The following PKP1 variants were observed in gnomAD, a reference collection of about 807,000 sequenced individuals.
The protein encoded by PKP1 is plakophilin-1.
In PKP1, 27 loss-of-function variants were observed where a neutral mutation model predicts 76.4. The observed-to-expected ratio is 0.35, with a 90% CI of 0.26 to 0.49. The LOEUF (loss-of-function observed/expected upper bound fraction) is 0.49, where lower values mean the gene tolerates loss of function less well. Ranked by LOEUF, PKP1 falls within the 20% of genes least tolerant of loss-of-function variation. PKP1 has a pLI of 0.99. For synonymous variants in PKP1, 404 were observed against 384.2 expected, an observed-to-expected ratio of 1.05 and a Z score of -0.60; for missense variants, 964 against 955.2, an observed-to-expected ratio of 1.01 and a Z score of -0.12.
In PKP1 at chr1:201,283,882, C is replaced by T; in HGVS notation, c.180C>T (p.Ser60=). The T allele has an allele frequency of 6.2e-7, 1 of 1,614,130 alleles. No individual in the cohort carries two copies. The highest frequency in any genetic ancestry group is 8.5e-7 in the Non-Finnish European group (1 of 1,179,970). The change falls in exon 1 of 14, where the codon TCC becomes TCT. Residue 60 remains serine, a synonymous_variant. Coordinates refer to ENST00000367324, the MANE Select transcript of PKP1 (RefSeq NM_001005337.3). ...KRQKSKSSQS[S]TLSHSNRGSM... ...AGAAGTCCAAGTCTTCCCAGTCGTC[C>T]ACCCTGAGCCACTCCAATCGAGGTA...
At chr1:201,319,184 C>G (rs1251267610) in intron 6 of PKP1, among the ~76,000 whole-genome samples, 1 of 152,144 alleles carries the variant, frequency 6.6e-6, no homozygotes, top group Non-Finnish European at 1.5e-5. Context: ...GAGTCACTTC[C>G]CAGCTGTGGT....
At chr1:201,328,045 G>C (rs1168203727) in intron 12 of PKP1, among the ~76,000 whole-genome samples, 1 of 152,190 alleles carries the variant, frequency 6.6e-6, no homozygotes, top group Non-Finnish European at 1.5e-5. Context: ...CTCCCCTCCT[G>C]TTCCCACAGG....
intron 3 of PKP1, among the ~76,000 whole-genome samples, chr1:201,313,877 C>G (rs1005526545): frequency 1.6e-4 from 24 of 152,168 alleles, no homozygotes; most frequent in African/African-American, 5.6e-4. Flanking sequence ...TCAGCATCAC[C>G]CAGGAATTTG....
chr1:201,295,725 T>C (rs866215), intron 2 of PKP1, among the ~76,000 whole-genome samples: 21,555 of 152,198 alleles, frequency 0.14, 1,954 homozygotes, highest in Non-Finnish European at 0.2. Context: ...GCCTCAGTTT[T>C]CTCATCCATA....
At position 201,324,522 on chromosome 1, in the gene PKP1, G is replaced by A. The variant is rs776686849; in HGVS notation, c.1775G>A (p.Arg592Gln). 4.4e-5 allele frequency: 71 copies of A among 1,613,960 alleles called. No homozygotes were observed. The Middle Eastern group carries it at 1.5e-3, about 34-fold the overall frequency. The change falls in exon 10 of 14, where the codon CGG becomes CAG. Residue 592 changes from arginine to glutamine, a missense_variant. Transcript: ENST00000367324. ...LLQSGNSDVV[R>Q]SGASLLSNMS... ...CAATCTGGCAACTCTGATGTGGTGCGGTCCGGAGCCTCCCTCCTGAGCAAC... is the reference window on the plus strand; with the variant it reads ...CAATCTGGCAACTCTGATGTGGTGCAGTCCGGAGCCTCCCTCCTGAGCAAC...
At chr1:201,287,391 CTA>C (rs2102404474) in intron 1 of PKP1, among the ~76,000 whole-genome samples, 2 of 152,324 alleles carry the variant, frequency 1.3e-5, no homozygotes, top group East Asian at 3.9e-4. Context: ...TTGTGTTTGA[CTA>C]TGTCTCAGCA....
chr1:201,328,403 G>C lies in PKP1; in HGVS notation c.2107-359G>C, dbSNP rs76033103. Reference sequence around the variant, plus strand: ...GTCAGAATTGTTTAAAAAAAGAAAAGATAGAGGTGGTCAGAGGGAAGAACA... The same window carrying C: ...GTCAGAATTGTTTAAAAAAAGAAAACATAGAGGTGGTCAGAGGGAAGAACA... On this transcript the variant is annotated intron_variant, in intron 12 of 13. Transcript: ENST00000367324. 2.7e-3 allele frequency: 987 copies of C among 361,440 alleles called. 18 individuals are homozygous for C. In the East Asian group the frequency reaches 0.058, roughly 21 times the overall value. 22.4% of individuals were successfully genotyped at this position (361,440 alleles called of 1,614,324 possible).
Position 201,313,334 on chromosome 1 carries a change from C to A in PKP1, c.475C>A (p.Leu159Ile), listed in dbSNP as rs367893541. The stretch of plus-strand genomic sequence containing the variant: ...CAAGGCGAGCCGCAGTGAGCCCGAC[C>A]TCTACTGTGACCCACGGGGCACCCT... ...KIKASRSEPD[L>I]YCDPRGTLRK... The change falls in exon 3 of 14, where the codon CTC (leucine) becomes ATC (isoleucine). Residue 159 changes from leucine to isoleucine, a missense_variant. Physicochemically the swap from Leu to Ile is conservative, Grantham distance 5 (BLOSUM62 2). Transcript: ENST00000367324. 8.3e-5 allele frequency: 132 copies of A among 1,591,346 alleles called. No homozygotes were observed. The East Asian group carries it at 1.8e-3, about 22-fold the overall frequency.
intron 6 of PKP1, 35 bp from the exon 7 acceptor site, chr1:201,320,232 T>C (rs1183365933): frequency 7.3e-7 from 1 of 1,373,414 alleles, no homozygotes; most frequent in East Asian, 2.3e-5. Context: ...TCTTCCCCCT[T>C]TCTCTGCCCT....
chr1:201,301,774 A>G (rs1490530466), intron 2 of PKP1, among the ~76,000 whole-genome samples: 1 of 151,718 alleles, frequency 6.6e-6, no homozygotes, highest in Non-Finnish European at 1.5e-5. Context: ...TAATCTACTC[A>G]ACCAACCAGT....
chr1:201,320,970 C>T (rs907495862), intron 7 of PKP1, among the ~76,000 whole-genome samples: 1 of 152,124 alleles, frequency 6.6e-6, no homozygotes, highest in African/African-American at 2.4e-5. Context: ...ACAGCACAGA[C>T]AAACAGAAAG....
intron 2 of PKP1, among the ~76,000 whole-genome samples, chr1:201,294,493 T>C (rs1656020057): frequency 6.6e-6 from 1 of 152,340 alleles, no homozygotes; most frequent in Admixed American, 6.5e-5. Context: ...TGACACTGCA[T>C]GCTAGAGTGG....
rs550113111 is a variant in PKP1, at chr1:201,299,030, T to C, written c.306+4985T>C. On this transcript the variant is annotated intron_variant, in intron 2 of 13. Transcript: ENST00000367324. ...CTCAGTCACAGCCATGCTAATCGAG[T>C]GTCCACAAGGGCAGAGCCATGGGCC... Among the ~76,000 whole-genome samples, 763 of 152,106 alleles carry C rather than the reference T, an allele frequency of 5.0e-3. 7 individuals carry two copies. Among genetic ancestry groups the C allele is most frequent in the African/African-American group, 0.017 (709 of 41,478 alleles).
chr1:201,287,527 A>C (rs1655776666), intron 1 of PKP1, among the ~76,000 whole-genome samples: 1 of 152,202 alleles, frequency 6.6e-6, no homozygotes, highest in African/African-American at 2.4e-5. Context: ...GGTAATGGCT[A>C]TGTGTGCTTT....
intron 2 of PKP1, among the ~76,000 whole-genome samples, chr1:201,307,274 G>C (rs1043469638): frequency 6.6e-6 from 1 of 152,222 alleles, no homozygotes; most frequent in African/African-American, 2.4e-5. Flanking sequence ...TCTGAGCAAT[G>C]GGGCTGCTCT....
chr1:201,316,374 C>G (rs1031319479), intron 3 of PKP1, 179 bp from the exon 4 acceptor site: 1 of 632,946 alleles, frequency 1.6e-6, no homozygotes, highest in African/African-American at 1.8e-5. Flanking sequence ...GCCTTCCCTC[C>G]TCTGGAGGAG....
chr1:201,327,590 A>G (rs1039316697), intron 12 of PKP1, among the ~76,000 whole-genome samples: 5 of 151,942 alleles, frequency 3.3e-5, no homozygotes, highest in African/African-American at 1.2e-4. Flanking sequence ...CAAAGCATTC[A>G]GCTTACCCCA....
intron 3 of PKP1, among the ~76,000 whole-genome samples, chr1:201,314,647 G>A (rs950365640): frequency 6.6e-6 from 1 of 152,250 alleles, no homozygotes; most frequent in African/African-American, 2.4e-5. Flanking sequence ...GGTGTCGTGA[G>A]TGACACTGAG....
At position 201,313,550 on chromosome 1, in the gene PKP1, G is replaced by T; in HGVS notation, c.691G>T (p.Ala231Ser). 2.5e-6 allele frequency: 4 copies of T among 1,612,880 alleles called. No individual in the cohort carries two copies. The highest frequency in any genetic ancestry group is 3.4e-6 in the Non-Finnish European group (4 of 1,179,182). Residue 231 changes from alanine (A) to serine (S), a missense_variant, in exon 3 of 14, where the codon GCC becomes TCC. Physicochemically the swap from Ala to Ser is moderately conservative, Grantham distance 99 (BLOSUM62 1). Transcript: ENST00000367324. ...NKDLSFGHSR[A>S]SSKICSEDIE... Reference sequence around the variant, plus strand: ...GGACCTGTCCTTTGGCCACTCTAGGGCCAGCTCCAAGTGAGTGCTGCTGGG... The same window carrying T: ...GGACCTGTCCTTTGGCCACTCTAGGTCCAGCTCCAAGTGAGTGCTGCTGGG...
Sources: allele counts gnomAD v4.1 joint callset (sites outside exome capture counted in the v4.1 genomes callset), GRCh38; gene constraint gnomAD v4.1.1; transcripts MANE v1.5; gene names NCBI Gene and HGNC (gene_info 2026-07-23, HGNC 2026-07-21).